EYS: variants seen among roughly 807,000 people sequenced by gnomAD.
EYS encodes EGF-like photoreceptor maintenance factor.
A neutral mutation model predicts 282.1 loss-of-function variants in EYS; 250 were observed. The observed-to-expected ratio is 0.89, with a 90% confidence interval of 0.80 to 0.98. The LOEUF is 0.98. Ranked by LOEUF, EYS falls within the 50% of genes least tolerant of loss-of-function variation. EYS has a pLI of 0.00. For missense variants in EYS, 4,016 were observed against 3,709.0 expected, an observed-to-expected ratio of 1.08 and a Z score of -2.15; for synonymous variants, 1,355 against 1,282.9, an observed-to-expected ratio of 1.06 and a Z score of -1.20.
At chr6:65,033,805 G>T (rs1371697492) in intron 13 of EYS, among the ~76,000 whole-genome samples, 2 of 152,178 alleles carry the variant, frequency 1.3e-5, no homozygotes, top group Non-Finnish European at 2.9e-5. Flanking sequence ...CCCAAATTGG[G>T]CATTGCCTAG....
intron 35 of EYS, among the ~76,000 whole-genome samples, chr6:63,885,339 T>C (rs1440709815): frequency 6.6e-6 from 1 of 152,126 alleles, no homozygotes; most frequent in Non-Finnish European, 1.5e-5. Flanking sequence ...TGAAAATCCA[T>C]TTTTGGTGTT....
intron 35 of EYS, among the ~76,000 whole-genome samples, chr6:63,945,391 G>A (rs567534307): frequency 1.3e-5 from 2 of 152,202 alleles, no homozygotes; most frequent in African/African-American, 2.4e-5. Flanking sequence ...CCCACAACAC[G>A]TGGAGATTAT....
chr6:64,973,775 G>A (rs1377110898), intron 14 of EYS, among the ~76,000 whole-genome samples: 1 of 151,702 alleles, frequency 6.6e-6, no homozygotes, highest in Non-Finnish European at 1.5e-5. Flanking sequence ...ATTATTCTTT[G>A]GAAATATTAC....
chr6:65,228,046 T>C (rs1468449093), intron 12 of EYS, among the ~76,000 whole-genome samples: 1 of 151,756 alleles, frequency 6.6e-6, no homozygotes, highest in Non-Finnish European at 1.5e-5. Flanking sequence ...AATTATATGT[T>C]TTAAAATGGG....
chr6:64,007,118 T>C (rs1768386034), intron 33 of EYS, among the ~76,000 whole-genome samples: 1 of 152,220 alleles, frequency 6.6e-6, no homozygotes, highest in South Asian at 2.1e-4. Flanking sequence ...TGTGAATCTA[T>C]TTAGTACTGG....
chr6:63,987,562 A>T (rs1002757452), intron 34 of EYS, among the ~76,000 whole-genome samples: 1 of 151,742 alleles, frequency 6.6e-6, no homozygotes, highest in African/African-American at 2.4e-5. Context: ...ATTGAAGTCT[A>T]AATAATCTGG....
intron 31 of EYS, among the ~76,000 whole-genome samples, chr6:64,094,913 A>G (rs534261876): frequency 6.6e-6 from 1 of 151,688 alleles, no homozygotes; most frequent in Non-Finnish European, 1.5e-5. Flanking sequence ...TTCCCTCTAC[A>G]CACTGCGTTG....
chr6:65,224,110 T>C (rs1766551828), intron 12 of EYS, among the ~76,000 whole-genome samples: 1 of 151,892 alleles, frequency 6.6e-6, no homozygotes, highest in South Asian at 2.1e-4. Flanking sequence ...AACAGCAAAA[T>C]ACCAACAACA....
At chr6:64,585,305 T>G (rs1248106080) in intron 26 of EYS, among the ~76,000 whole-genome samples, 2 of 151,904 alleles carry the variant, frequency 1.3e-5, no homozygotes, top group African/African-American at 4.8e-5. Flanking sequence ...CAGCAGACAC[T>G]TTGGACTAGT....
intron 14 of EYS, among the ~76,000 whole-genome samples, chr6:64,985,035 C>A (rs1179618820): frequency 2.0e-5 from 3 of 151,508 alleles, no homozygotes; most frequent in African/African-American, 7.2e-5. Context: ...CTGGTACAAT[C>A]TTTTGTAAAT....
At position 65,491,265 on chromosome 6, in the gene EYS, T is replaced by C. The variant is rs955845471; in HGVS notation, c.749-558A>G. The C allele has an allele frequency of 2.2e-4, 36 of 163,744 alleles. No homozygotes were observed. The East Asian group carries it at 6.1e-3, about 28-fold the overall frequency. 10.1% of individuals were successfully genotyped at this position (163,744 alleles called of 1,614,324 possible). On this transcript the variant is annotated intron_variant, in intron 4 of 42. Transcript: ENST00000503581. The stretch of plus-strand genomic sequence containing the variant: ...TACTATTGTGGTCCCACTATATCAG[T>C]TATATACACACACACACACACACAC...
intron 12 of EYS, among the ~76,000 whole-genome samples, chr6:65,234,205 C>T (rs1430536462): frequency 6.6e-6 from 1 of 152,208 alleles, no homozygotes; most frequent in African/African-American, 2.4e-5. Flanking sequence ...CCAGCCTCTC[C>T]TGTGGGCAGA....
intron 22 of EYS, among the ~76,000 whole-genome samples, chr6:64,633,898 A>AAT (rs1028554474): frequency 6.6e-6 from 1 of 152,102 alleles, no homozygotes; most frequent in African/African-American, 2.4e-5. Flanking sequence ...AACCTCCTGA[A>AAT]ATATACTAAG....
chr6:64,983,002 C>T (rs1258163827), intron 14 of EYS, among the ~76,000 whole-genome samples: 1 of 151,098 alleles, frequency 6.6e-6, no homozygotes, highest in Non-Finnish European at 1.5e-5. Context: ...GGATGTCAAG[C>T]ATAAATCTAT....
chr6:65,559,815 A>G (rs1430876175), intron 2 of EYS, among the ~76,000 whole-genome samples: 1 of 151,954 alleles, frequency 6.6e-6, no homozygotes, highest in Non-Finnish European at 1.5e-5. Context: ...TGGTACTGAA[A>G]ATTACTTTAT....
chr6:65,155,327 G>T (rs1561994458), intron 12 of EYS, among the ~76,000 whole-genome samples: 2 of 151,382 alleles, frequency 1.3e-5, no homozygotes, highest in Non-Finnish European at 3.0e-5. Flanking sequence ...CAAAGAAAGG[G>T]CTGTCGTGCC....
chr6:64,930,977 C>A (rs1245423548), intron 15 of EYS, among the ~76,000 whole-genome samples: 2 of 152,090 alleles, frequency 1.3e-5, no homozygotes, highest in African/African-American at 4.8e-5. Flanking sequence ...AATTTTAAAC[C>A]ATGCCAGGAA....
chr6:65,636,237 C>A (rs549515310), intron 2 of EYS, among the ~76,000 whole-genome samples: 1 of 152,288 alleles, frequency 6.6e-6, no homozygotes, highest in South Asian at 2.1e-4. Flanking sequence ...TAAACAGAAG[C>A]GAAAATCTTT....
chr6:64,593,681 T>C (rs1269767740), intron 24 of EYS, among the ~76,000 whole-genome samples: 1 of 152,166 alleles, frequency 6.6e-6, no homozygotes, highest in African/African-American at 2.4e-5. Flanking sequence ...GCTCTAAAAG[T>C]CAAATTTAGT....
Sources: allele counts gnomAD v4.1 joint callset (sites outside exome capture counted in the v4.1 genomes callset), GRCh38; gene constraint gnomAD v4.1.1; transcripts MANE v1.5; gene names NCBI Gene and HGNC (gene_info 2026-07-23, HGNC 2026-07-21).